Variants in ERO1B observed in about 807,000 individuals in gnomAD.
ERO1B encodes endoplasmic reticulum oxidoreductase 1 beta.
Under a neutral mutation model 75.3 loss-of-function variants are expected in ERO1B, and 49 were observed. The ratio of observed to expected loss-of-function variants is 0.65; its 90% CI spans 0.52 to 0.83. ERO1B has a LOEUF of 0.83. ERO1B is among the 40% of genes least tolerant of loss of function. The probability of loss-of-function intolerance (pLI) is 0.00; values close to 1 mark genes in which losing one functional copy is unlikely to be tolerated. For missense variants in ERO1B, 512 were observed against 560.1 expected (o/e 0.91, Z 0.87); for synonymous variants, 191 against 192.9 (o/e 0.99, Z 0.08).
intron 1 of ERO1B, among the ~76,000 whole-genome samples, chr1:236,273,201 G>T (rs181705506): frequency 6.6e-6 from 1 of 152,224 alleles, no homozygotes; most frequent in African/African-American, 2.4e-5. Context: ...ATGCTATACT[G>T]CTGGCTCTGA....
rs1222739852 is a variant in ERO1B, at chr1:236,215,594, T to C, written c.*2922A>G. On this transcript the variant is annotated 3_prime_UTR_variant, in exon 16 of 16. Transcript: ENST00000354619. The stretch of plus-strand genomic sequence containing the variant: ...ACTTTAATTCACATTTTCTAGATTC[T>C]GGTGGGTACAACAGTAAATTATTTG... The C allele has an allele frequency of 6.6e-6, 1 of 152,230 alleles. No individual in the cohort carries two copies. Among genetic ancestry groups the C allele is most frequent in the African/African-American group, 2.4e-5 (1 of 41,468 alleles). 9.4% of individuals were successfully genotyped at this position (152,230 alleles called of 1,614,324 possible). A position where few individuals can be genotyped will look rare whatever the true frequency, so the allele number is the denominator to read the frequency against.
chr1:236,267,533 A>G (rs1407480991), intron 2 of ERO1B, among the ~76,000 whole-genome samples: 3 of 152,206 alleles, frequency 2.0e-5, no homozygotes, highest in Non-Finnish European at 4.4e-5. Flanking sequence ...AGTGAGGGAC[A>G]TAACATTATG....
At chr1:236,229,749 A>G (rs1235734633) in intron 10 of ERO1B, among the ~76,000 whole-genome samples, 2 of 152,214 alleles carry the variant, frequency 1.3e-5, no homozygotes, top group Non-Finnish European at 2.9e-5. Flanking sequence ...AGCATCTAAT[A>G]TATCAGGATC....
rs1664156271 is a variant in ERO1B, at chr1:236,221,953, C to A, written c.1180G>T (p.Asp394Tyr). 1 of 1,613,524 alleles carries A rather than the reference C, an allele frequency of 6.2e-7. No homozygotes were observed. Among genetic ancestry groups the A allele is most frequent in the Non-Finnish European group, 8.5e-7 (1 of 1,179,714 alleles). ...ISRIMDCVGC[D>Y]KCRLWGKLQT... ...AATTTTCCCCATAATCTGCATTTGT[C>A]ACATCCAACACAGTCCATTATACGG... The change falls in exon 14 of 16, where the codon GAC (aspartate) becomes TAC (tyrosine). Residue 394 changes from aspartate to tyrosine, a missense_variant. By Grantham distance (160) the Asp-to-Tyr change is radical (BLOSUM62 -3). Transcript: ENST00000354619.
At chr1:236,266,421 T>A (rs1665437732) in intron 2 of ERO1B, among the ~76,000 whole-genome samples, 1 of 152,126 alleles carries the variant, frequency 6.6e-6, no homozygotes, top group Non-Finnish European at 1.5e-5. Context: ...CTGGCCAACA[T>A]GGTGAAACCC....
In ERO1B at chr1:236,226,373, CT is replaced by C. The variant is rs1558506082; in HGVS notation, c.947del (p.Lys316ArgfsTer29). ...TTGAGCGCTCAAAATATGGAGCCAC[CT>C]TTGACAAAGCTCGAAGCTCAATCAA... ...LYLIELRALSKVAPYFERSIV... is the reference protein window; with the variant it reads ...LYLIELRALSXVAPYFERSIV... On this transcript the variant is annotated frameshift_variant, in exon 12 of 16. Transcript: ENST00000354619. LOFTEE classifies it high-confidence loss of function. 1 of 1,614,076 alleles carries C rather than the reference CT, an allele frequency of 6.2e-7. No homozygotes were observed. The highest frequency in any genetic ancestry group is 1.1e-5 in the South Asian group (1 of 91,076).
In ERO1B at chr1:236,215,878, G is replaced by C. The variant is rs1184186666; in HGVS notation, c.*2638C>G. The stretch of plus-strand genomic sequence containing the variant: ...TAGCTGTCCTTTCTTATATACAGTG[G>C]CACATAGGCAAAGTTGAAAAACATG... On this transcript the variant is annotated 3_prime_UTR_variant, in exon 16 of 16. Transcript: ENST00000354619. 1 of 151,956 alleles carries C rather than the reference G, an allele frequency of 6.6e-6. No individual in the cohort carries two copies. The highest frequency in any genetic ancestry group is 2.4e-5 in the African/African-American group (1 of 41,400). The allele number at this position is 151,956 out of a possible 1,614,324, so 9.4% of individuals were successfully genotyped here.
chr1:236,232,340 T>C (rs901205613), intron 9 of ERO1B, among the ~76,000 whole-genome samples: 2 of 152,218 alleles, frequency 1.3e-5, no homozygotes, highest in African/African-American at 4.8e-5. Flanking sequence ...GAGGTAAACA[T>C]TCAGTTGAAA....
At chr1:236,259,106 G>A (rs1185096975) in intron 2 of ERO1B, among the ~76,000 whole-genome samples, 1 of 152,082 alleles carries the variant, frequency 6.6e-6, no homozygotes, top group Non-Finnish European at 1.5e-5. Context: ...ACAAATTGGG[G>A]TGGGGAGGCA....
At chr1:236,258,624 C>T (rs1241805023) in intron 2 of ERO1B, among the ~76,000 whole-genome samples, 1 of 152,158 alleles carries the variant, frequency 6.6e-6, no homozygotes, top group Admixed American at 6.5e-5. Context: ...CAGGGGCTTA[C>T]ACCTGTAATC....
chr1:236,263,778 CTTTTTTTTTTT>C lies in ERO1B; in HGVS notation c.222+6086_222+6096del. Among the ~76,000 whole-genome samples, 7 of 80,302 alleles carry C rather than the reference CTTTTTTTTTTT, an allele frequency of 8.7e-5. No homozygotes were observed. The East Asian group carries it at 8.8e-4, about 10-fold the overall frequency. The allele number at this position is 80,302 out of a possible 152,430, so 52.7% of individuals were successfully genotyped here. A position where few individuals can be genotyped will look rare whatever the true frequency, so the allele number is the denominator to read the frequency against. ...TATATTTTTTGTTTTATTTTGTTTG[CTTTTTTTTTTT>C]TTTTTTTTTTTTTTTTTGAGTCAGT... is the stretch of plus-strand genomic sequence containing the variant. On this transcript the variant is annotated intron_variant, in intron 2 of 15. Coordinates refer to ENST00000354619, the MANE Select transcript of ERO1B (RefSeq NM_019891.4).
intron 11 of ERO1B, 28 bp from the exon 12 acceptor site, chr1:236,226,543 T>A: frequency 6.2e-7 from 1 of 1,600,026 alleles, no homozygotes; most frequent in Non-Finnish European, 8.5e-7. Context: ...TACATTACAT[T>A]GTTTTAGTAA....
rs1369871095 is a variant in ERO1B at position 236,281,920 on chromosome 1, G to A, written c.-137C>T. On this transcript the variant is annotated 5_prime_UTR_variant, in exon 1 of 16. Transcript: ENST00000354619. ...TCAGAGGTCTGCACTCCAGTCCGGA[G>A]GCAGGCGACTCTTTCCCCAACACCC... The A allele has an allele frequency of 2.1e-6, 1 of 476,078 alleles. No individual in the cohort carries two copies. 29.5% of individuals were successfully genotyped at this position (476,078 alleles called of 1,614,324 possible). A position where few individuals can be genotyped will look rare whatever the true frequency, so the allele number is the denominator to read the frequency against.
rs1418673349 is a variant in ERO1B, at chr1:236,239,310, A to C, written c.506-2912T>G. Reference sequence around the variant, plus strand: ...TTTGTAAATAAAGTTTTCATGGAACACAGCCATGTTCATTTGTTTACATAC... The same window carrying C: ...TTTGTAAATAAAGTTTTCATGGAACCCAGCCATGTTCATTTGTTTACATAC... On this transcript the variant is annotated intron_variant, in intron 6 of 15. Transcript: ENST00000354619. Among the ~76,000 whole-genome samples the C allele has an allele frequency of 2.6e-5, 4 of 152,200 alleles. No individual in the cohort carries two copies. In the East Asian group the frequency reaches 7.7e-4, roughly 29 times the overall value.
chr1:236,228,033 A>G (rs1394278780), intron 10 of ERO1B, among the ~76,000 whole-genome samples: 2 of 152,182 alleles, frequency 1.3e-5, no homozygotes, highest in African/African-American at 4.8e-5. Context: ...CATCAGATCT[A>G]TTATCAAGTA....
intron 5 of ERO1B, among the ~76,000 whole-genome samples, chr1:236,248,366 G>T (rs541341834): frequency 1.3e-5 from 2 of 152,256 alleles, no homozygotes; most frequent in African/African-American, 4.8e-5. Flanking sequence ...ACTATGGAAT[G>T]TCATCAGGCA....
chr1:236,249,950 G>A lies in ERO1B; in HGVS notation c.366C>T (p.Asn122=). 6.3e-7 allele frequency: 1 copy of A among 1,599,952 alleles called. No individual in the cohort carries two copies. The highest frequency in any genetic ancestry group is 8.5e-7 in the Non-Finnish European group (1 of 1,174,516). The change falls in exon 5 of 16, where the codon AAC becomes AAT. Residue 122 remains asparagine, a synonymous_variant. Coordinates refer to ENST00000354619, the MANE Select transcript of ERO1B (RefSeq NM_019891.4). ...GHSNKYLKMA[N]NTKELEDCEQ... ...CACAATCTTCTAATTCTTTGGTATT[G>A]TTTGCCATTTTCAAGTACTGCAAAG...
At chr1:236,279,518 A>AAAAAC (rs1366458707) in intron 1 of ERO1B, among the ~76,000 whole-genome samples, 1 of 148,468 alleles carries the variant, frequency 6.7e-6, no homozygotes, top group African/African-American at 2.5e-5. Context: ...AAAAAAAAAA[A>AAAAAC]AACAGCACAG....
intron 1 of ERO1B, among the ~76,000 whole-genome samples, chr1:236,280,790 C>G (rs1665813715): frequency 6.6e-6 from 1 of 152,148 alleles, no homozygotes; most frequent in Non-Finnish European, 1.5e-5. Flanking sequence ...CACCTGAGAC[C>G]TTCGTTTTAT....
Sources: allele counts gnomAD v4.1 joint callset (sites outside exome capture counted in the v4.1 genomes callset), GRCh38; gene constraint gnomAD v4.1.1; transcripts MANE v1.5; gene names NCBI Gene and HGNC (gene_info 2026-07-23, HGNC 2026-07-21).